Variants in EPB41 observed in about 807,000 individuals in gnomAD.
EPB41 encodes the protein protein 4.1.
EPB41 carries 65 observed loss-of-function variants against 108.0 expected under a neutral mutation model. The ratio of observed to expected loss-of-function variants is 0.60; its 90% CI spans 0.49 to 0.74. EPB41 has a LOEUF of 0.74. Ranked by LOEUF, EPB41 falls within the 30% of genes least tolerant of loss-of-function variation. The pLI is 0.00. For synonymous variants in EPB41, 336 were observed against 358.9 expected (o/e 0.94, Z 0.72); for missense variants, 875 against 1,037.0 (o/e 0.84, Z 2.15).
intron 1 of EPB41, among the ~76,000 whole-genome samples, chr1:28,928,228 C>G (rs905931363): frequency 2.0e-5 from 3 of 151,940 alleles, no homozygotes; most frequent in Admixed American, 6.6e-5. Context: ...CATATGTTTT[C>G]TAGTGGCAGA....
Position 29,119,322 on chromosome 1 carries a change from A to C in EPB41, c.*2510A>C, listed in dbSNP as rs1018653739. Reference sequence around the variant, plus strand: ...TATGTGTGTTTGTGTGAAGAAAAACAGACTCTGTCCAGGTAGAAATGGTGA... The same window carrying C: ...TATGTGTGTTTGTGTGAAGAAAAACCGACTCTGTCCAGGTAGAAATGGTGA... On this transcript the variant is annotated 3_prime_UTR_variant, in exon 21 of 21. Transcript: ENST00000343067. 3.9e-5 allele frequency: 6 copies of C among 152,638 alleles called. No homozygotes were observed. Among genetic ancestry groups the C allele is most frequent in the African/African-American group, 1.4e-4 (6 of 41,440 alleles). The allele number at this position is 152,638 out of a possible 1,614,324, so 9.5% of individuals were successfully genotyped here. A position where few individuals can be genotyped will look rare whatever the true frequency, so the allele number is the denominator to read the frequency against.
intron 10 of EPB41, among the ~76,000 whole-genome samples, chr1:29,037,692 A>G (rs1213577879): frequency 2.0e-5 from 3 of 151,396 alleles, no homozygotes; most frequent in Admixed American, 6.6e-5. Context: ...GCATACCACC[A>G]TGCCCAGCTA....
chr1:29,011,251 G>C (rs1355971466), intron 4 of EPB41, among the ~76,000 whole-genome samples: 1 of 151,970 alleles, frequency 6.6e-6, no homozygotes, highest in Non-Finnish European at 1.5e-5. Context: ...TGTAATCCCA[G>C]CTACTTGGGA....
At chr1:28,976,332 T>C (rs906880643) in intron 1 of EPB41, among the ~76,000 whole-genome samples, 2 of 152,142 alleles carry the variant, frequency 1.3e-5, no homozygotes, top group African/African-American at 4.8e-5. Context: ...CTAGCTGCTA[T>C]TATTATTGTT....
At chr1:29,081,055 C>T (rs992149191) in intron 16 of EPB41, among the ~76,000 whole-genome samples, 1 of 152,154 alleles carries the variant, frequency 6.6e-6, no homozygotes, top group Admixed American at 6.6e-5. Flanking sequence ...TAGTCTTTCT[C>T]TTGTTTTTCC....
chr1:28,952,127 G>A (rs376046539), intron 1 of EPB41, among the ~76,000 whole-genome samples: 25 of 151,978 alleles, frequency 1.6e-4, no homozygotes, highest in East Asian at 1.5e-3. Flanking sequence ...ATTGAATTGT[G>A]TAATGAGACT....
At chr1:29,059,534 G>A (rs1040832141) in intron 14 of EPB41, among the ~76,000 whole-genome samples, 82 of 151,974 alleles carry the variant, frequency 5.4e-4, no homozygotes, top group Admixed American at 1.2e-3. Flanking sequence ...CCAGCACTTC[G>A]GGAGGTCAAG....
rs988220360 is a variant in EPB41, at chr1:28,921,469, A to T, written c.-8+6701A>T. Among the ~76,000 whole-genome samples the T allele has an allele frequency of 6.8e-4, 103 of 152,152 alleles. 2 individuals are homozygous for T. The highest frequency in any genetic ancestry group is 1.1e-3 in the Non-Finnish European group (74 of 68,010). ...TATGGACACAGGCAGGACTCTCAGG[A>T]GTGCCAAGGATTTAAGCCCTCAAAT... On this transcript the variant is annotated intron_variant, in intron 1 of 20. Transcript: ENST00000343067.
At chr1:28,897,428 C>A (rs1410484046) in intron 1 of EPB41, among the ~76,000 whole-genome samples, 2 of 151,752 alleles carry the variant, frequency 1.3e-5, no homozygotes, top group Non-Finnish European at 2.9e-5. Context: ...ATGTGCCTGT[C>A]ATTCCAGCTA....
intron 4 of EPB41, among the ~76,000 whole-genome samples, chr1:29,000,989 TTAAAGGG>T (rs1212006562): frequency 5.3e-5 from 8 of 152,056 alleles, no homozygotes; most frequent in African/African-American, 1.9e-4. Context: ...GATTGTCAAG[TTAAAGGG>T]TCAGTACAGT....
At chr1:29,041,863 ATG>A (rs1641667972) in intron 11 of EPB41, among the ~76,000 whole-genome samples, 1 of 152,186 alleles carries the variant, frequency 6.6e-6, no homozygotes, top group African/African-American at 2.4e-5. Flanking sequence ...AATGGAGATG[ATG>A]ATAGTATCAT....
intron 19 of EPB41, among the ~76,000 whole-genome samples, chr1:29,114,058 G>A (rs1013439840): frequency 2.0e-5 from 3 of 152,170 alleles, no homozygotes; most frequent in African/African-American, 7.2e-5. Context: ...CATAGAGCCA[G>A]GAGACCAGAA....
At chr1:29,016,538 T>TA (rs1034500329) in intron 6 of EPB41, among the ~76,000 whole-genome samples, 33 of 152,000 alleles carry the variant, frequency 2.2e-4, no homozygotes, top group Non-Finnish European at 4.4e-4. Flanking sequence ...GCCTAAGTGT[T>TA]ATTATTTCTT....
chr1:28,920,253 A>G (rs1162925648), intron 1 of EPB41, among the ~76,000 whole-genome samples: 1 of 152,186 alleles, frequency 6.6e-6, no homozygotes, highest in African/African-American at 2.4e-5. Flanking sequence ...CTGTTCTGTT[A>G]TCTAATATCT....
intron 1 of EPB41, among the ~76,000 whole-genome samples, chr1:28,973,022 A>T (rs975501562): frequency 2.0e-5 from 3 of 152,190 alleles, no homozygotes; most frequent in African/African-American, 7.2e-5. Flanking sequence ...TGATTATCCT[A>T]TTCTAGAGGT....
Position 29,058,664 on chromosome 1 carries a change from C to G in EPB41, c.1902+19C>G. 1 of 1,610,744 alleles carries G rather than the reference C, an allele frequency of 6.2e-7. No homozygotes were observed. Among genetic ancestry groups the G allele is most frequent in the Non-Finnish European group, 8.5e-7 (1 of 1,177,912 alleles). On this transcript the variant is annotated intron_variant, in intron 13 of 20. Transcript: ENST00000343067. ...AACACAGGTTTGTGCCAATAGGCCA[C>G]TTGTTCCTCTTTCCCTCCACCCCCT...
chr1:28,946,386 C>T (rs1218571506), intron 1 of EPB41, among the ~76,000 whole-genome samples: 1 of 152,052 alleles, frequency 6.6e-6, no homozygotes, highest in African/African-American at 2.4e-5. Flanking sequence ...GGATTACAGG[C>T]GTGAGCCACT....
intron 16 of EPB41, chr1:29,096,445 C>T: frequency 1.0e-6 from 1 of 985,916 alleles, no homozygotes; most frequent in African/African-American, 1.7e-5. Context: ...CCTTAAAGTT[C>T]TCAGTAACAC....
chr1:29,100,107 A>ATCCTC (rs1308329238), intron 17 of EPB41, among the ~76,000 whole-genome samples: 2 of 151,982 alleles, frequency 1.3e-5, no homozygotes, highest in African/African-American at 4.8e-5. Context: ...TTTTCACTTA[A>ATCCTC]TCCTCACCTC....
Sources: allele counts gnomAD v4.1 joint callset (sites outside exome capture counted in the v4.1 genomes callset), GRCh38; gene constraint gnomAD v4.1.1; transcripts MANE v1.5; gene names NCBI Gene and HGNC (gene_info 2026-07-23, HGNC 2026-07-21).